The following BLTP1 variants were observed in gnomAD, a reference collection of about 807,000 sequenced individuals.
BLTP1 encodes fragile site-associated protein.
chr4:122,265,189 A>G, the BLTP1 span, among the ~76,000 whole-genome samples: 1 of 152,128 alleles, frequency 6.6e-6, no homozygotes, highest in Non-Finnish European at 1.5e-5. Flanking sequence ...TCCGCCACCC[A>G]GGATACCAAA....
the BLTP1 span, among the ~76,000 whole-genome samples, chr4:122,332,009 CACTA>C: frequency 2.0e-5 from 3 of 152,044 alleles, no homozygotes; most frequent in Middle Eastern, 3.4e-3. Flanking sequence ...TTGTTTACAT[CACTA>C]ACTAAATGAT....
chr4:122,305,275 C>G, the BLTP1 span: 7 of 974,688 alleles, frequency 7.2e-6, no homozygotes, highest in Non-Finnish European at 8.5e-6. Flanking sequence ...ATTTCAAAGT[C>G]TTGTGCTAAC....
the BLTP1 span, among the ~76,000 whole-genome samples, chr4:122,274,959 A>T: frequency 6.6e-6 from 1 of 152,280 alleles, no homozygotes; most frequent in East Asian, 1.9e-4. Flanking sequence ...AGCTTTCTGC[A>T]ATGAGTTTTG....
chr4:122,223,190 C>A, the BLTP1 span: 38 of 963,840 alleles, frequency 3.9e-5, no homozygotes, highest in South Asian at 9.6e-5. Flanking sequence ...ATTGTAGTCA[C>A]AATTTGAATT....
At chr4:122,209,937 A>G in the BLTP1 span, 64 of 1,610,420 alleles carry the variant, frequency 4.0e-5, no homozygotes, top group East Asian at 6.9e-4. Context: ...AAGTGTTTTT[A>G]TATAATTTGT....
the BLTP1 span, chr4:122,251,281 C>A: frequency 2.1e-6 from 2 of 975,184 alleles, no homozygotes; most frequent in Non-Finnish European, 1.2e-6. Context: ...AACTGTTGTT[C>A]TTAAACGTAT....
the BLTP1 span, among the ~76,000 whole-genome samples, chr4:122,284,447 T>C: frequency 4.6e-5 from 7 of 152,306 alleles, no homozygotes; most frequent in African/African-American, 1.7e-4. Flanking sequence ...TATGAAGAAT[T>C]ATTGGTAAAT....
chr4:122,158,567 A>G, the BLTP1 span, among the ~76,000 whole-genome samples: 7,583 of 152,160 alleles, frequency 0.05, 271 homozygotes, highest in Non-Finnish European at 0.075. Flanking sequence ...GGAGATTGAG[A>G]CCATCCTGGC....
At chr4:122,227,255 A>G in the BLTP1 span, 1 of 988,282 alleles carries the variant, frequency 1.0e-6, no homozygotes, top group East Asian at 1.1e-4. Context: ...AAGGTTGGTC[A>G]TTTGCCAGGT....
the BLTP1 span, chr4:122,263,464 G>A: frequency 1.2e-6 from 2 of 1,606,998 alleles, no homozygotes; most frequent in East Asian, 4.5e-5. Context: ...CCACTGATAT[G>A]TTATCTGAAC....
At chr4:122,297,367 C>G in the BLTP1 span, among the ~76,000 whole-genome samples, 2 of 152,160 alleles carry the variant, frequency 1.3e-5, no homozygotes, top group Non-Finnish European at 2.9e-5. Flanking sequence ...CTATCTCACA[C>G]CAGTCAGGAT....
At chr4:122,162,714 A>G in the BLTP1 span, 1 of 934,834 alleles carries the variant, frequency 1.1e-6, no homozygotes, top group Non-Finnish European at 1.3e-6. Flanking sequence ...GTAGAAGGTA[A>G]TGGGGTTATA....
the BLTP1 span, chr4:122,266,885 A>G: frequency 1.2e-6 from 2 of 1,612,722 alleles, no homozygotes; most frequent in Non-Finnish European, 1.7e-6. Context: ...ATTTTCAGGG[A>G]CTTTGGACTG....
chr4:122,164,309 C>A, the BLTP1 span: 1 of 725,600 alleles, frequency 1.4e-6, no homozygotes, highest in Non-Finnish European at 1.7e-6. Flanking sequence ...TGTCCTCCAG[C>A]CATCACTTTG....
the BLTP1 span, chr4:122,267,036 C>T: frequency 1.7e-5 from 8 of 462,486 alleles, no homozygotes; most frequent in Admixed American, 1.9e-4. Context: ...TTCGTGTAAT[C>T]CAAATAAGGA....
At chr4:122,293,085 A>G in the BLTP1 span, 1 of 949,570 alleles carries the variant, frequency 1.1e-6, no homozygotes, top group Non-Finnish European at 1.3e-6. Context: ...TTTCAAAATA[A>G]TTTAAGCAAG....
the BLTP1 span, chr4:122,347,557 G>T: frequency 1.2e-6 from 2 of 1,613,682 alleles, no homozygotes; most frequent in African/African-American, 1.3e-5. Flanking sequence ...CATTGAAGGG[G>T]TAAGCCAACA....
At chr4:122,226,745 T>C in the BLTP1 span, 1 of 1,613,578 alleles carries the variant, frequency 6.2e-7, no homozygotes, top group Non-Finnish European at 8.5e-7. Context: ...CATTTGTTTT[T>C]CATGTGGTAT....
At chr4:122,301,745 T>G in the BLTP1 span, among the ~76,000 whole-genome samples, 2 of 152,234 alleles carry the variant, frequency 1.3e-5, no homozygotes, top group African/African-American at 4.8e-5. Flanking sequence ...ATTTTGTTTT[T>G]CTTCAAGTAC....
Sources: gnomAD v4.1 joint callset for allele counts (sites outside exome capture counted in the v4.1 genomes callset) on GRCh38, gnomAD v4.1.1 for gene constraint, MANE v1.5 for transcripts, NCBI Gene and HGNC (gene_info 2026-07-23, HGNC 2026-07-21) for gene names.